The following ZBTB20 variants were observed in gnomAD, a reference collection of about 807,000 sequenced individuals.
ZBTB20 encodes zinc finger and BTB domain containing 20.
In ZBTB20, 9 loss-of-function variants were observed where a neutral mutation model predicts 56.9. That is an observed-to-expected ratio of 0.16 (90% CI 0.10 to 0.28). The LOEUF is 0.28. Among genes scored for constraint, ZBTB20 ranks in the 10% least tolerant of loss-of-function variants. ZBTB20 has a pLI of 1.00. For synonymous variants in ZBTB20, 417 were observed against 420.7 expected, an observed-to-expected ratio of 0.99 and a Z score of 0.11; for missense variants, 655 against 1,003.0, an observed-to-expected ratio of 0.65 and a Z score of 4.69.
chr3:114,677,653 A>T (rs2061709625), intron 6 of ZBTB20, among the ~76,000 whole-genome samples: 1 of 152,064 alleles, frequency 6.6e-6, no homozygotes, highest in Non-Finnish European at 1.5e-5. Context: ...AGACAATATC[A>T]CTCATTCTGT....
At chr3:114,538,576 C>A (rs1392016743) in intron 6 of ZBTB20, among the ~76,000 whole-genome samples, 2 of 152,104 alleles carry the variant, frequency 1.3e-5, no homozygotes, top group Non-Finnish European at 2.9e-5. Flanking sequence ...CTCTATTTCA[C>A]AGTAATAAAA....
At chr3:114,600,960 G>GTT (rs772934335) in intron 6 of ZBTB20, among the ~76,000 whole-genome samples, 3 of 141,706 alleles carry the variant, frequency 2.1e-5, no homozygotes, top group African/African-American at 2.6e-5. Context: ...TAATGCCTTA[G>GTT]TTTTTTTTTT....
chr3:114,368,096 T>C (rs2082613615), intron 10 of ZBTB20, among the ~76,000 whole-genome samples: 1 of 152,202 alleles, frequency 6.6e-6, no homozygotes, highest in Non-Finnish European at 1.5e-5. Context: ...CTGGCTGTTT[T>C]TCTGGTGCTG....
chr3:114,415,498 T>C (rs1352461666), intron 7 of ZBTB20, among the ~76,000 whole-genome samples: 1 of 152,110 alleles, frequency 6.6e-6, no homozygotes, highest in African/African-American at 2.4e-5. Context: ...AAATCTAAAG[T>C]TCTGATTTTG....
At chr3:114,582,344 T>A (rs2054724667) in intron 6 of ZBTB20, 1 of 152,082 alleles carries the variant, frequency 6.6e-6, no homozygotes, top group Admixed American at 6.5e-5. Flanking sequence ...GGGTTCTGGA[T>A]TCTTGTATTT....
intron 6 of ZBTB20, among the ~76,000 whole-genome samples, chr3:114,642,625 G>T (rs181756324): frequency 6.6e-6 from 1 of 151,994 alleles, no homozygotes; most frequent in Non-Finnish European, 1.5e-5. Context: ...GAAAAAGCCT[G>T]GAAGCCTGCA....
At chr3:114,416,225 C>T (rs927236318) in intron 7 of ZBTB20, among the ~76,000 whole-genome samples, 1 of 150,728 alleles carries the variant, frequency 6.6e-6, no homozygotes, top group Non-Finnish European at 1.5e-5. Flanking sequence ...AGAATCAAGT[C>T]ATAAAAGAAC....
chr3:115,086,511 AC>A (rs1405485838), intron 1 of ZBTB20, among the ~76,000 whole-genome samples: 3 of 151,962 alleles, frequency 2.0e-5, no homozygotes, highest in East Asian at 1.9e-4. Context: ...TATAAAAAAA[AC>A]AACAGCCTTG....
chr3:114,968,812 T>C (rs1425711181), intron 3 of ZBTB20, among the ~76,000 whole-genome samples: 1 of 152,206 alleles, frequency 6.6e-6, no homozygotes, highest in East Asian at 1.9e-4. Flanking sequence ...ATCTTCTATA[T>C]CATATAAAGT....
In ZBTB20 at chr3:114,336,555, T is replaced by C. The variant is rs1243815398; in HGVS notation, c.*2450A>G. 2 of 152,194 alleles carry C rather than the reference T, an allele frequency of 1.3e-5. No individual in the cohort carries two copies. The highest frequency in any genetic ancestry group is 4.8e-5 in the African/African-American group (2 of 41,456). The allele number at this position is 152,194 out of a possible 1,614,324, so 9.4% of individuals were successfully genotyped here. On this transcript the variant is annotated 3_prime_UTR_variant, in exon 12 of 12. Coordinates refer to ENST00000675478, the MANE Select transcript of ZBTB20 (RefSeq NM_001348800.3). ...GCAAAATATCCACTGAATTAAGCAC[T>C]GTGGGACCAAATCAAACTCACAAAC...
intron 5 of ZBTB20, among the ~76,000 whole-genome samples, chr3:114,790,778 T>C (rs925683425): frequency 6.6e-6 from 1 of 151,598 alleles, no homozygotes; most frequent in Non-Finnish European, 1.5e-5. Context: ...ACAGTAAGTT[T>C]TTTTTTTTTT....
intron 5 of ZBTB20, among the ~76,000 whole-genome samples, chr3:114,701,477 G>C (rs2063383139): frequency 6.6e-6 from 1 of 152,050 alleles, no homozygotes. Flanking sequence ...AAAATTAACA[G>C]GCCAGAGGAA....
At chr3:115,127,278 C>T (rs2108658616) in intron 1 of ZBTB20, among the ~76,000 whole-genome samples, 1 of 152,248 alleles carries the variant, frequency 6.6e-6, no homozygotes, top group Admixed American at 6.5e-5. Context: ...ATTCAGACAA[C>T]TTAAATCTTA....
intron 6 of ZBTB20, among the ~76,000 whole-genome samples, chr3:114,512,708 C>A (rs2045551560): frequency 6.6e-6 from 1 of 152,054 alleles, no homozygotes; most frequent in Non-Finnish European, 1.5e-5. Context: ...AAAAGTCTAC[C>A]CAGAATTATT....
intron 7 of ZBTB20, among the ~76,000 whole-genome samples, chr3:114,423,791 C>A (rs2089404233): frequency 6.6e-6 from 1 of 152,164 alleles, no homozygotes; most frequent in South Asian, 2.1e-4. Context: ...TACTAGAGGG[C>A]AGGACAGGTG....
At chr3:115,084,959 T>G (rs1445162622) in intron 1 of ZBTB20, among the ~76,000 whole-genome samples, 1 of 151,970 alleles carries the variant, frequency 6.6e-6, no homozygotes, top group Admixed American at 6.6e-5. Flanking sequence ...ACTTAACGCT[T>G]TCCTGTTTTG....
intron 5 of ZBTB20, among the ~76,000 whole-genome samples, chr3:114,728,238 G>A (rs1458178148): frequency 6.6e-6 from 1 of 152,128 alleles, no homozygotes; most frequent in East Asian, 1.9e-4. Context: ...AAATGCATTT[G>A]TATGGTGTTT....
At chr3:114,529,104 T>C (rs545143122) in intron 6 of ZBTB20, 2 of 152,354 alleles carry the variant, frequency 1.3e-5, no homozygotes, top group South Asian at 4.1e-4. Context: ...TGTTTTACTT[T>C]TCCTCTTGAG....
chr3:115,026,273 A>G (rs2080418976), intron 2 of ZBTB20, among the ~76,000 whole-genome samples: 1 of 151,008 alleles, frequency 6.6e-6, no homozygotes, highest in Admixed American at 6.6e-5. Flanking sequence ...TGTTCACTGT[A>G]CTGTGCTTAC....
Sources: gnomAD v4.1 joint callset for allele counts (sites outside exome capture counted in the v4.1 genomes callset) on GRCh38, gnomAD v4.1.1 for gene constraint, MANE v1.5 for transcripts, NCBI Gene and HGNC (gene_info 2026-07-23, HGNC 2026-07-21) for gene names.